The following PHC2 variants were observed in gnomAD, a reference collection of about 807,000 sequenced individuals.
The protein encoded by PHC2 is polyhomeotic-like protein 2.
PHC2 carries 29 observed loss-of-function variants against 87.4 expected under a neutral mutation model. The observed-to-expected ratio is 0.33, with a 90% CI of 0.25 to 0.45. The LOEUF is 0.45. Among genes scored for constraint, PHC2 ranks in the 20% least tolerant of loss-of-function variants. The pLI, the probability that PHC2 is intolerant of heterozygous loss-of-function variation, is 1.00. For missense variants in PHC2, 857 were observed against 1,136.7 expected, an observed-to-expected ratio of 0.75 and a Z score of 3.54; for synonymous variants, 438 against 461.7, an observed-to-expected ratio of 0.95 and a Z score of 0.66.
intron 1 of PHC2, among the ~76,000 whole-genome samples, chr1:33,402,835 CTT>C (rs35208971): frequency 6.6e-6 from 1 of 150,866 alleles, no homozygotes; most frequent in Admixed American, 6.6e-5. Context: ...AGGGAAAACT[CTT>C]TTTTTTGAGA....
intron 1 of PHC2, among the ~76,000 whole-genome samples, chr1:33,427,426 C>G (rs949942089): frequency 2.4e-4 from 37 of 152,188 alleles, no homozygotes; most frequent in African/African-American, 8.7e-4. Flanking sequence ...TAATCTTCCG[C>G]TTGACTGTGC....
At position 33,369,172 on chromosome 1, in the gene PHC2, C is replaced by T. The variant is rs1490665158; in HGVS notation, c.577-550G>A. Among the ~76,000 whole-genome samples the T allele has an allele frequency of 6.6e-6, 1 of 152,214 alleles. No homozygotes were observed. Among genetic ancestry groups the T allele is most frequent in the Non-Finnish European group, 1.5e-5 (1 of 68,038 alleles). ...CAGAGGGGCCTAGAGACAACAACAG[C>T]AGAGGAAGCGGACCGCCTGGAGCCG... is the stretch of plus-strand genomic sequence containing the variant. On this transcript the variant is annotated intron_variant, in intron 5 of 14. Transcript: ENST00000683057. This position sits in a 1 kb window ranked among gnomAD's most constrained non-coding sequence, Gnocchi z 4.7.
At chr1:33,405,719 C>A (rs1296935726) in intron 1 of PHC2, among the ~76,000 whole-genome samples, 1 of 152,138 alleles carries the variant, frequency 6.6e-6, no homozygotes. Flanking sequence ...TAGTATTTTT[C>A]ATTATCAGTC....
intron 9 of PHC2, chr1:33,346,376 C>G: frequency 1.0e-6 from 1 of 985,380 alleles, no homozygotes; most frequent in South Asian, 4.7e-5. Context: ...CTTTCAGTAG[C>G]AAAATGGCAC....
intron 1 of PHC2, among the ~76,000 whole-genome samples, chr1:33,425,705 G>A (rs10914709): frequency 0.21 from 31,543 of 152,184 alleles, 3,328 homozygotes; most frequent in South Asian, 0.25. Flanking sequence ...ACACAGCAGT[G>A]GATAACTACT....
chr1:33,352,920 G>A (rs1385309343), intron 9 of PHC2, among the ~76,000 whole-genome samples: 2 of 152,110 alleles, frequency 1.3e-5, no homozygotes, highest in Admixed American at 1.3e-4. Flanking sequence ...TATGTCCTAG[G>A]GCTGTCGTGA....
At chr1:33,356,783 C>A (rs992006111) in intron 7 of PHC2, among the ~76,000 whole-genome samples, 2 of 152,226 alleles carry the variant, frequency 1.3e-5, no homozygotes. Flanking sequence ...GTCATCATGG[C>A]CCGTTCTCAA....
chr1:33,373,753 C>G (rs1456839801), intron 2 of PHC2, among the ~76,000 whole-genome samples: 1 of 152,142 alleles, frequency 6.6e-6, no homozygotes, highest in Non-Finnish European at 1.5e-5. Flanking sequence ...ACCCTTACCT[C>G]TGCTGAATCC....
In PHC2 at chr1:33,360,098, T is replaced by C. The variant is rs1043014093; in HGVS notation, c.977-4845A>G. 7.2e-5 allele frequency among the ~76,000 whole-genome samples: 11 copies of C among 152,214 alleles called. No homozygotes were observed. In the South Asian group the frequency reaches 2.3e-3, roughly 32 times the overall value. ...CCCTAAAGCAATAGCCACACAAATTTTCCATGATGCATTCCCTTGGCATGG... is the reference window on the plus strand; with the variant it reads ...CCCTAAAGCAATAGCCACACAAATTCTCCATGATGCATTCCCTTGGCATGG... On this transcript the variant is annotated intron_variant, in intron 7 of 14. Coordinates refer to ENST00000683057, the MANE Select transcript of PHC2 (RefSeq NM_001385109.1).
intron 9 of PHC2, chr1:33,345,583 T>G: frequency 1.0e-6 from 1 of 984,386 alleles, no homozygotes. Context: ...GTTTATGACT[T>G]AAATTATATG....
At chr1:33,415,496 GATCAAAGTA>G (rs1164427435) in intron 1 of PHC2, among the ~76,000 whole-genome samples, 1 of 152,100 alleles carries the variant, frequency 6.6e-6, no homozygotes, top group African/African-American at 2.4e-5. Context: ...CGTTTGAAAG[GATCAAAGTA>G]ATCCTAGGTA....
chr1:33,420,627 T>C (rs78577709), intron 1 of PHC2, among the ~76,000 whole-genome samples: 6 of 152,086 alleles, frequency 3.9e-5, no homozygotes, highest in Non-Finnish European at 7.4e-5. Context: ...CTTTTTTTTT[T>C]CTTTTTTCTT....
chr1:33,389,297 G>A (rs972279006), intron 1 of PHC2, among the ~76,000 whole-genome samples: 6 of 152,176 alleles, frequency 3.9e-5, no homozygotes, highest in Non-Finnish European at 7.3e-5. Flanking sequence ...AGCAGTGAAT[G>A]TTCAACACAC....
At chr1:33,325,637 A>G in intron 14 of PHC2, 1 of 309,808 alleles carries the variant, frequency 3.2e-6, no homozygotes, top group Non-Finnish European at 6.5e-6. Flanking sequence ...GACTAAGAGG[A>G]ACTGGACACC....
chr1:33,426,403 A>G (rs1312590918), intron 1 of PHC2, among the ~76,000 whole-genome samples: 1 of 152,088 alleles, frequency 6.6e-6, no homozygotes, highest in East Asian at 1.9e-4. Context: ...GTTGTAGTGT[A>G]CCTGTTCCAC....
At position 33,367,210 on chromosome 1, in the gene PHC2, T is replaced by G; in HGVS notation, c.882A>C (p.Gly294=). ...TCCCTGGCACACTGCTGTTGCCATC[T>G]CCTTTCTTGTGTGGCTCCATCACAC... ...ADSVMEPHKK[G]DGNSSVPGSM... Residue 294 remains glycine, a synonymous_variant, in exon 7 of 15, where the codon GGA becomes GGC. Transcript: ENST00000683057. The G allele has an allele frequency of 2.5e-6, 4 of 1,614,164 alleles. No individual in the cohort carries two copies. The highest frequency in any genetic ancestry group is 3.4e-6 in the Non-Finnish European group (4 of 1,180,008).
intron 9 of PHC2, among the ~76,000 whole-genome samples, chr1:33,337,161 T>A (rs980016220): frequency 6.6e-6 from 1 of 152,212 alleles, no homozygotes; most frequent in Non-Finnish European, 1.5e-5. Context: ...ATGAGTCTAA[T>A]GAACTGCAGA....
At chr1:33,416,039 T>C (rs929321665) in intron 1 of PHC2, among the ~76,000 whole-genome samples, 1 of 152,000 alleles carries the variant, frequency 6.6e-6, no homozygotes, top group African/African-American at 2.4e-5. Context: ...CAATCTAATA[T>C]TCATGAAATT....
rs1646329143 is a variant in PHC2 at position 33,324,465 on chromosome 1, G to T, written c.*400C>A. 6.2e-6 allele frequency: 1 copy of T among 160,504 alleles called. No homozygotes were observed. The highest frequency in any genetic ancestry group is 2.4e-5 in the African/African-American group (1 of 41,824). The allele number at this position is 160,504 out of a possible 1,614,324, so 9.9% of individuals were successfully genotyped here. A position where few individuals can be genotyped will look rare whatever the true frequency, so the allele number is the denominator to read the frequency against. ...GGAGAAAGAAGTGGGAGGAAGGAAG[G>T]CAAGGGCTTTCTAGGCCTCCATCCA... On this transcript the variant is annotated 3_prime_UTR_variant, in exon 15 of 15. Transcript: ENST00000683057.
Sources: allele counts gnomAD v4.1 joint callset (sites outside exome capture counted in the v4.1 genomes callset), GRCh38; gene constraint gnomAD v4.1.1; non-coding constraint Gnocchi (gnomAD v3.1); transcripts MANE v1.5; gene names NCBI Gene and HGNC (gene_info 2026-07-23, HGNC 2026-07-21).